Variants in SLC22A4 observed in about 807,000 individuals in gnomAD.
SLC22A4 encodes the protein ET transporter.
A neutral mutation model predicts 56.6 loss-of-function variants in SLC22A4; 39 were observed. The observed-to-expected ratio is 0.69, with a 90% confidence interval of 0.53 to 0.90. SLC22A4 has a LOEUF of 0.90. SLC22A4 is among the 40% of genes least tolerant of loss of function. The pLI is 0.00. For missense variants in SLC22A4, 594 were observed against 696.5 expected (o/e 0.85, Z 1.66); for synonymous variants, 241 against 281.4 (o/e 0.86, Z 1.44).
intron 6 of SLC22A4, among the ~76,000 whole-genome samples, chr5:132,333,534 T>A (rs74513394): frequency 0.027 from 4,140 of 152,238 alleles, 132 homozygotes; most frequent in African/African-American, 0.077. Flanking sequence ...ATACTTTGAG[T>A]TGGAAATTGA....
Position 132,322,341 on chromosome 5 carries a change from T to C in SLC22A4, c.810T>C (p.Cys270=), listed in dbSNP as rs933845432. Residue 270 remains cysteine (C), a synonymous_variant, in exon 4 of 10, where the codon TGT becomes TGC. Transcript: ENST00000200652. ...LLALTVPGVL[C]VPLWWFIPES... ...CGCTGACGGTGCCGGGAGTGCTGTG[T>C]GTCCCGCTGTGGTGGTGAGTGTGAC... 6 of 1,613,616 alleles carry C rather than the reference T, an allele frequency of 3.7e-6. No individual in the cohort carries two copies. In the African/African-American group the frequency reaches 8.0e-5, roughly 22 times the overall value.
chr5:132,328,903 G>GTATATATATATATA (rs753290785), intron 5 of SLC22A4, among the ~76,000 whole-genome samples: 112 of 96,236 alleles, frequency 1.2e-3, no homozygotes, highest in African/African-American at 5.4e-3. Context: ...GTGTGTATGT[G>GTATATATATATATA]TATATATATA....
At chr5:132,297,097 T>A (rs1228953169) in intron 1 of SLC22A4, among the ~76,000 whole-genome samples, 2 of 152,098 alleles carry the variant, frequency 1.3e-5, no homozygotes, top group Non-Finnish European at 2.9e-5. Context: ...GCGGGCAGAT[T>A]ACTTGAGGTC....
chr5:132,323,989 T>G (rs556976995), intron 4 of SLC22A4, among the ~76,000 whole-genome samples: 1 of 152,198 alleles, frequency 6.6e-6, no homozygotes, highest in East Asian at 1.9e-4. Context: ...GCCCAGCAGT[T>G]CAAAACCAGC....
At chr5:132,309,477 A>G (rs1280279255) in intron 1 of SLC22A4, among the ~76,000 whole-genome samples, 2 of 152,172 alleles carry the variant, frequency 1.3e-5, no homozygotes, top group African/African-American at 4.8e-5. Flanking sequence ...GCCCCTCTTC[A>G]GGGAGGGAAT....
chr5:132,296,155 A>G (rs1749772434), intron 1 of SLC22A4, among the ~76,000 whole-genome samples: 2 of 152,224 alleles, frequency 1.3e-5, no homozygotes, highest in African/African-American at 4.8e-5. Flanking sequence ...GGTGGAGGAA[A>G]TACTCCAAGA....
At chr5:132,301,992 G>C (rs1055472735) in intron 1 of SLC22A4, among the ~76,000 whole-genome samples, 1 of 152,224 alleles carries the variant, frequency 6.6e-6, no homozygotes, top group Admixed American at 6.5e-5. Flanking sequence ...CAGCCAGCCC[G>C]GCGAGACTTC....
chr5:132,330,661 G>A (rs994680290), intron 5 of SLC22A4, among the ~76,000 whole-genome samples: 22 of 152,160 alleles, frequency 1.4e-4, no homozygotes, highest in Non-Finnish European at 2.9e-5. Context: ...GGGAGGCGGA[G>A]GTTGCAGTGA....
chr5:132,334,231 A>C (rs1750951062), intron 6 of SLC22A4, among the ~76,000 whole-genome samples: 1 of 152,262 alleles, frequency 6.6e-6, no homozygotes, highest in Non-Finnish European at 1.5e-5. Flanking sequence ...AATTTATTCT[A>C]AGTGAATCCC....
In SLC22A4 at chr5:132,335,971, G is replaced by T; in HGVS notation, c.1415G>T (p.Ser472Ile). The change falls in exon 8 of 10, where the codon AGC becomes ATC. Residue 472 changes from serine to isoleucine, a missense_variant. Transcript: ENST00000200652. ...ACATCCACGGCCTCCAGAGTGGGCA[G>T]CATCATTGCCCCCTACTTTGTTTAC... ...GVTSTASRVG[S>I]IIAPYFVYLG... The T allele has an allele frequency of 1.2e-6, 2 of 1,614,120 alleles. No homozygotes were observed. The highest frequency in any genetic ancestry group is 1.7e-6 in the Non-Finnish European group (2 of 1,179,974).
In SLC22A4 at chr5:132,327,295, C is replaced by A; in HGVS notation, c.843C>A (p.Pro281=). The A allele has an allele frequency of 6.2e-7, 1 of 1,601,994 alleles. No homozygotes were observed. Among genetic ancestry groups the A allele is most frequent in the South Asian group, 1.1e-5 (1 of 90,180 alleles). ...ATTATAGGTTCATTCCTGAATCTCC[C>A]CGATGGCTGATATCCCAGAGAAGAT... The part of the protein sequence containing the change: ...VPLWWFIPES[P]RWLISQRRFR... Residue 281 remains proline, a synonymous_variant, in exon 5 of 10, where the codon CCC becomes CCA. Coordinates refer to ENST00000200652, the MANE Select transcript of SLC22A4 (RefSeq NM_003059.3).
Position 132,344,131 on chromosome 5 carries a change from C to T in SLC22A4, c.*296C>T. Reference sequence around the variant, plus strand: ...GGTAAAATACATATAAAGATTAACACTCATTTCCAATCATACAAATACTAT... The same window carrying T: ...GGTAAAATACATATAAAGATTAACATTCATTTCCAATCATACAAATACTAT... On this transcript the variant is annotated 3_prime_UTR_variant, in exon 10 of 10. Transcript: ENST00000200652. 2 of 336,396 alleles carry T rather than the reference C, an allele frequency of 5.9e-6. No individual in the cohort carries two copies. The highest frequency in any genetic ancestry group is 1.1e-5 in the Non-Finnish European group (2 of 184,560). 20.8% of individuals were successfully genotyped at this position (336,396 alleles called of 1,614,324 possible). A position where few individuals can be genotyped will look rare whatever the true frequency, so the allele number is the denominator to read the frequency against.
chr5:132,315,547 TC>T lies in SLC22A4; in HGVS notation c.652+1784del, dbSNP rs377411569. On this transcript the variant is annotated intron_variant, in intron 3 of 9. Transcript: ENST00000200652. ...GGCTTCCTACAGGAAAGGGCTGCCC[TC>T]CCCCGCCGGCTCTGACACTATCATC... is the stretch of plus-strand genomic sequence containing the variant. 2.7e-3 allele frequency among the ~76,000 whole-genome samples: 403 copies of T among 152,064 alleles called. 4 individuals carry two copies. The highest frequency in any genetic ancestry group is 9.3e-3 in the African/African-American group (387 of 41,478).
intron 1 of SLC22A4, among the ~76,000 whole-genome samples, chr5:132,299,400 T>C (rs1749855060): frequency 7.9e-6 from 1 of 127,228 alleles, no homozygotes. Context: ...TTTCGTTTTA[T>C]TTTATTTTAT....
intron 1 of SLC22A4, among the ~76,000 whole-genome samples, chr5:132,304,263 A>G (rs983198466): frequency 1.3e-5 from 2 of 152,220 alleles, no homozygotes; most frequent in African/African-American, 4.8e-5. Context: ...GAATGAGGCA[A>G]CTGGCTAGCA....
chr5:132,327,221 A>G, intron 4 of SLC22A4, 56 bp from the exon 5 acceptor site: 2 of 1,345,380 alleles, frequency 1.5e-6, no homozygotes, highest in Non-Finnish European at 2.0e-6. Flanking sequence ...CTCAGATTTA[A>G]TAGTATCCAG....
chr5:132,327,482 G>A, intron 5 of SLC22A4, 79 bp downstream of exon 5: 1 of 1,229,460 alleles, frequency 8.1e-7, no homozygotes, highest in Non-Finnish European at 1.2e-6. Flanking sequence ...TTCAATATTT[G>A]TTAAGTGCCC....
At chr5:132,326,681 A>C (rs1750699637) in intron 4 of SLC22A4, among the ~76,000 whole-genome samples, 1 of 152,274 alleles carries the variant, frequency 6.6e-6, no homozygotes, top group Non-Finnish European at 1.5e-5. Flanking sequence ...TAACAAAAAG[A>C]CAACATTGGG....
chr5:132,299,549 C>G (rs1749860668), intron 1 of SLC22A4, among the ~76,000 whole-genome samples: 4 of 152,088 alleles, frequency 2.6e-5, no homozygotes, highest in Admixed American at 2.6e-4. Flanking sequence ...CCTGCCTCAG[C>G]CTCCCGAGTA....
Sources: allele counts gnomAD v4.1 joint callset (sites outside exome capture counted in the v4.1 genomes callset), GRCh38; gene constraint gnomAD v4.1.1; transcripts MANE v1.5; gene names NCBI Gene and HGNC (gene_info 2026-07-23, HGNC 2026-07-21).